CAMKMT: variants seen among roughly 807,000 people sequenced by gnomAD.
The protein encoded by CAMKMT is CaM KMT.
CAMKMT carries 53 observed loss-of-function variants against 48.0 expected under a neutral mutation model. The ratio of observed to expected loss-of-function variants is 1.10; its 90% CI spans 0.89 to 1.39. The LOEUF (loss-of-function observed/expected upper bound fraction) is 1.39. CAMKMT is among the 40% of genes most tolerant of loss of function. The pLI, the probability that CAMKMT is intolerant of heterozygous loss-of-function variation, is 0.00. For synonymous variants in CAMKMT, 165 were observed against 152.3 expected (o/e 1.08, Z -0.61); for missense variants, 428 against 402.7 (o/e 1.06, Z -0.54).
chr2:44,650,210 A>G (rs935575230), intron 3 of CAMKMT, among the ~76,000 whole-genome samples: 1 of 152,238 alleles, frequency 6.6e-6, no homozygotes, highest in Non-Finnish European at 1.5e-5. Context: ...GCCTCCTTGT[A>G]GCTTCTGCTG....
At chr2:44,684,509 A>G (rs1315184942) in intron 3 of CAMKMT, among the ~76,000 whole-genome samples, 1 of 152,010 alleles carries the variant, frequency 6.6e-6, no homozygotes, top group Non-Finnish European at 1.5e-5. Flanking sequence ...AAACCTAGAC[A>G]GAATCATTTT....
At chr2:44,559,991 C>T (rs953129235) in intron 3 of CAMKMT, among the ~76,000 whole-genome samples, 4 of 152,096 alleles carry the variant, frequency 2.6e-5, no homozygotes, top group African/African-American at 9.7e-5. Context: ...TCATTTTATG[C>T]CAATCAAAGT....
intron 3 of CAMKMT, among the ~76,000 whole-genome samples, chr2:44,553,945 A>G (rs1667862850): frequency 6.6e-6 from 1 of 152,238 alleles, no homozygotes; most frequent in Non-Finnish European, 1.5e-5. Flanking sequence ...TCTATAAAAC[A>G]TAACATTTAA....
rs998263570 is a variant in CAMKMT at position 44,529,600 on chromosome 2, A to G, written c.376+139295A>G. ...TAGGGTTGCTTCTGAGGTGGCAGCC[A>G]TTCTGCAGCAGCCCTTCTGTACCTT... is the stretch of plus-strand genomic sequence containing the variant. On this transcript the variant is annotated intron_variant, in intron 3 of 10. Transcript: ENST00000378494. Among the ~76,000 whole-genome samples the G allele has an allele frequency of 5.3e-5, 8 of 152,216 alleles. No homozygotes were observed. The East Asian group carries it at 1.5e-3, about 29-fold the overall frequency.
rs10667154 is a variant in CAMKMT at position 44,621,266 on chromosome 2, C to CAAAAAAAAAAAAAA, written c.377-83011_377-82998dup. Among the ~76,000 whole-genome samples the CAAAAAAAAAAAAAA allele has an allele frequency of 3.0e-3, 253 of 84,504 alleles. 6 individuals are homozygous for CAAAAAAAAAAAAAA. The highest frequency in any genetic ancestry group is 0.013 in the African/African-American group (245 of 18,692). 55.4% of individuals were successfully genotyped at this position (84,504 alleles called of 152,430 possible). On this transcript the variant is annotated intron_variant, in intron 3 of 10. Coordinates refer to ENST00000378494, the MANE Select transcript of CAMKMT (RefSeq NM_024766.5). ...TGGGCGACAGAGCGAGACTCCATCT[C>CAAAAAAAAAAAAAA]AAAAAAAAAAAAAAAAAAAGCATAA...
intron 3 of CAMKMT, among the ~76,000 whole-genome samples, chr2:44,413,527 C>T (rs1340591589): frequency 6.6e-6 from 1 of 151,778 alleles, no homozygotes; most frequent in African/African-American, 2.4e-5. Flanking sequence ...TGGCATGCGC[C>T]TATAATCCTA....
At chr2:44,542,556 CTT>C (rs1491247288) in intron 3 of CAMKMT, among the ~76,000 whole-genome samples, 234 of 51,934 alleles carry the variant, frequency 4.5e-3, no homozygotes, top group African/African-American at 7.3e-3. Flanking sequence ...CTCTCTCTCT[CTT>C]TCTCTCTCCA....
chr2:44,488,297 G>A (rs1186186101), intron 3 of CAMKMT, among the ~76,000 whole-genome samples: 6 of 152,052 alleles, frequency 3.9e-5, no homozygotes, highest in Admixed American at 3.3e-4. Flanking sequence ...TCAGGAGTTC[G>A]AGACACCAGC....
chr2:44,435,648 T>G (rs1666191284), intron 3 of CAMKMT, among the ~76,000 whole-genome samples: 1 of 152,240 alleles, frequency 6.6e-6, no homozygotes, highest in South Asian at 2.1e-4. Context: ...ACTTCACAAC[T>G]TGCTTGACTG....
intron 2 of CAMKMT, among the ~76,000 whole-genome samples, chr2:44,382,208 G>T (rs1680319400): frequency 6.6e-6 from 1 of 152,094 alleles, no homozygotes. Context: ...CTCCTAAAGT[G>T]CTGGGATTAT....
chr2:44,377,582 A>G (rs1391281586), intron 2 of CAMKMT, among the ~76,000 whole-genome samples: 3 of 152,210 alleles, frequency 2.0e-5, no homozygotes, highest in African/African-American at 4.8e-5. Flanking sequence ...ATATGGAACC[A>G]TAGAAGTGCC....
chr2:44,706,248 A>T (rs1207485483), intron 4 of CAMKMT, 39 bp from the exon 5 acceptor site: 2 of 1,606,414 alleles, frequency 1.2e-6, no homozygotes, highest in East Asian at 4.5e-5. Flanking sequence ...ATTTTCATCT[A>T]ATTTGTATGG....
chr2:44,721,848 GAGGGGAGGGGAGGGGAGGGA>G (rs1678476831), intron 7 of CAMKMT, among the ~76,000 whole-genome samples: 1 of 151,548 alleles, frequency 6.6e-6, no homozygotes, highest in Middle Eastern at 3.4e-3. Flanking sequence ...GAGGAGAGGA[GAGGGGAGGGGAGGGGAGGGA>G]AGGGGAGGCC....
chr2:44,707,694 T>C (rs925518077), intron 6 of CAMKMT, among the ~76,000 whole-genome samples: 2 of 152,208 alleles, frequency 1.3e-5, no homozygotes, highest in South Asian at 2.1e-4. Flanking sequence ...GAGCCTATTT[T>C]TGTGGACCTC....
chr2:44,483,171 T>A (rs190996355), intron 3 of CAMKMT, among the ~76,000 whole-genome samples: 116 of 152,296 alleles, frequency 7.6e-4, no homozygotes, highest in African/African-American at 2.7e-3. Flanking sequence ...CTTACCTGAA[T>A]AGATATGTCA....
chr2:44,476,378 A>G (rs1323747912), intron 3 of CAMKMT, among the ~76,000 whole-genome samples: 1 of 152,214 alleles, frequency 6.6e-6, no homozygotes, highest in Non-Finnish European at 1.5e-5. Context: ...TTTGCATAGT[A>G]TAACATATTC....
intron 9 of CAMKMT, among the ~76,000 whole-genome samples, chr2:44,756,401 A>G (rs1416776114): frequency 1.3e-5 from 2 of 152,208 alleles, no homozygotes; most frequent in South Asian, 2.1e-4. Flanking sequence ...GAGCCCAGAC[A>G]ACAACTCCAT....
rs946125500 is a variant in CAMKMT at position 44,618,050 on chromosome 2, C to T, written c.377-86233C>T. Among the ~76,000 whole-genome samples the T allele has an allele frequency of 1.3e-5, 2 of 152,152 alleles. No individual in the cohort carries two copies. Among genetic ancestry groups the T allele is most frequent in the South Asian group, 2.1e-4 (1 of 4,816 alleles). On this transcript the variant is annotated intron_variant, in intron 3 of 10. Transcript: ENST00000378494. This position sits in a 1 kb window ranked among gnomAD's most constrained non-coding sequence, Gnocchi z 4.0. ...CATCTCCTTCCTGTTTCTTTGTATA[C>T]ACTTCTAGTAGTTAAACTGATTTTA...
chr2:44,466,170 T>C (rs1668100955), intron 3 of CAMKMT, among the ~76,000 whole-genome samples: 1 of 152,112 alleles, frequency 6.6e-6, no homozygotes, highest in Non-Finnish European at 1.5e-5. Context: ...AACATTATAG[T>C]CCAATTGGAT....
Sources: allele counts gnomAD v4.1 joint callset (sites outside exome capture counted in the v4.1 genomes callset), GRCh38; gene constraint gnomAD v4.1.1; non-coding constraint Gnocchi (gnomAD v3.1); transcripts MANE v1.5; gene names NCBI Gene and HGNC (gene_info 2026-07-23, HGNC 2026-07-21).